The following SLC9A2 variants were observed in gnomAD, a reference collection of about 807,000 sequenced individuals.
SLC9A2 encodes the protein solute carrier family 9 member A2.
A neutral mutation model predicts 71.7 loss-of-function variants in SLC9A2; 42 were observed. The ratio of observed to expected loss-of-function variants is 0.59; its 90% CI spans 0.46 to 0.76. The LOEUF is 0.76. Among genes scored for constraint, SLC9A2 ranks in the 30% least tolerant of loss-of-function variants. The pLI is 0.00. For synonymous variants in SLC9A2, 396 were observed against 392.5 expected (o/e 1.01, Z -0.10); for missense variants, 829 against 1,017.4 (o/e 0.81, Z 2.52).
intron 3 of SLC9A2, among the ~76,000 whole-genome samples, chr2:102,679,385 AT>A (rs61336100): frequency 0.017 from 1,235 of 74,384 alleles, 12 homozygotes; most frequent in African/African-American, 0.067. Flanking sequence ...TATATATATA[AT>A]TTTTTTTTTT....
rs902523981 is a variant in SLC9A2, at chr2:102,708,443, C to G, written c.2393C>G (p.Ser798Trp). The G allele has an allele frequency of 1.2e-6, 2 of 1,613,980 alleles. No individual in the cohort carries two copies. The highest frequency in any genetic ancestry group is 1.7e-6 in the Non-Finnish European group (2 of 1,180,018). The change falls in exon 12 of 12, where the codon TCG (serine) becomes TGG (tryptophan). Residue 798 changes from serine to tryptophan, a missense_variant. Ser to Trp is a radical substitution (Grantham distance 177). Around this residue, in one of 3 missense-constraint regions of SLC9A2, gnomAD observed 223 missense variants for 197.5 expected, o/e 1.13. Transcript: ENST00000233969. ...CCACCACGGCTGGTCTGGAGGGCAT[C>G]GGAACCTGGAAGCCGGAAAGCCCGA... The part of the protein sequence containing the change: ...KPPPRLVWRA[S>W]EPGSRKARFG...
In SLC9A2 at chr2:102,619,777, C is replaced by A; in HGVS notation, c.-72C>A. 1.5e-6 allele frequency: 2 copies of A among 1,366,938 alleles called. No individual in the cohort carries two copies. The highest frequency in any genetic ancestry group is 1.9e-6 in the Non-Finnish European group (2 of 1,039,968). The allele number at this position is 1,366,938 out of a possible 1,614,324, so 84.7% of individuals were successfully genotyped here. On this transcript the variant is annotated 5_prime_UTR_variant, in exon 1 of 12. Coordinates refer to ENST00000233969, the MANE Select transcript of SLC9A2 (RefSeq NM_003048.6). The surrounding 1 kb of genome is among the most constrained non-coding windows in gnomAD (Gnocchi z 4.3). The stretch of plus-strand genomic sequence containing the variant: ...ACGGGGCAGGGCGGAGCGGGCTGAG[C>A]AGCCCGGGCGCGATGCGTTGAGCGC...
At chr2:102,623,147 T>C (rs1057050389) in intron 1 of SLC9A2, among the ~76,000 whole-genome samples, 1 of 152,182 alleles carries the variant, frequency 6.6e-6, no homozygotes, top group African/African-American at 2.4e-5. Context: ...TGCTTGGCTA[T>C]GGAAATCATC....
rs992622109 is a variant in SLC9A2, at chr2:102,704,664, C to G, written c.1966C>G (p.Arg656Gly). Reference protein sequence around the residue: ...ESIRKDSSLNREHRASTSTSR... With the variant: ...ESIRKDSSLNGEHRASTSTSR... ...CATTAGGAAGGACAGCAGCTTGAAT[C>G]GAGAACACAGGGTAACTGAGTGTGC... Residue 656 changes from arginine to glycine, a missense_variant, in exon 10 of 12, where the codon CGA becomes GGA. Arg to Gly is a moderately radical substitution (Grantham distance 125, BLOSUM62 -2). Around this residue, in one of 3 missense-constraint regions of SLC9A2, gnomAD observed 223 missense variants for 197.5 expected, o/e 1.13. Coordinates refer to ENST00000233969, the MANE Select transcript of SLC9A2 (RefSeq NM_003048.6). 6.2e-7 allele frequency: 1 copy of G among 1,611,762 alleles called. No homozygotes were observed. The highest frequency in any genetic ancestry group is 8.5e-7 in the Non-Finnish European group (1 of 1,178,456).
chr2:102,704,326 TA>T (rs778531824), intron 9 of SLC9A2, among the ~76,000 whole-genome samples: 3 of 151,702 alleles, frequency 2.0e-5, no homozygotes, highest in Admixed American at 6.6e-5. Context: ...AAAAGAAAAA[TA>T]AAAAAACACA....
At chr2:102,690,035 A>G (rs1321827589) in intron 5 of SLC9A2, among the ~76,000 whole-genome samples, 1 of 152,160 alleles carries the variant, frequency 6.6e-6, no homozygotes, top group Admixed American at 6.5e-5. Context: ...ATGGTTTTTA[A>G]CACACATAAG....
intron 1 of SLC9A2, among the ~76,000 whole-genome samples, chr2:102,639,391 G>A (rs1330181196): frequency 6.6e-6 from 1 of 152,162 alleles, no homozygotes; most frequent in Non-Finnish European, 1.5e-5. Context: ...AACAGCCCAG[G>A]CTTTGCACGT....
rs147416048 is a variant in SLC9A2, at chr2:102,644,043, C to T, written c.290-13521C>T. Among the ~76,000 whole-genome samples the T allele has an allele frequency of 1.1e-3, 164 of 152,202 alleles. 1 individual carries two copies. Among genetic ancestry groups the T allele is most frequent in the African/African-American group, 3.7e-3 (152 of 41,534 alleles). On this transcript the variant is annotated intron_variant, in intron 1 of 11. Coordinates refer to ENST00000233969, the MANE Select transcript of SLC9A2 (RefSeq NM_003048.6). ...GAGAGATGATTACAGCAAAGAATTA[C>T]TTTCTGTTGAAGATGGCCAAATAGG... is the stretch of plus-strand genomic sequence containing the variant.
intron 2 of SLC9A2, among the ~76,000 whole-genome samples, chr2:102,662,703 G>A (rs1196229858): frequency 1.3e-5 from 2 of 152,038 alleles, no homozygotes; most frequent in African/African-American, 2.4e-5. Flanking sequence ...GAATAAACAC[G>A]GTGTGTTTTA....
intron 1 of SLC9A2, among the ~76,000 whole-genome samples, chr2:102,656,579 C>A (rs1676947271): frequency 6.6e-6 from 1 of 152,200 alleles, no homozygotes; most frequent in Non-Finnish European, 1.5e-5. Context: ...AGAGTAGTTT[C>A]TTGAGGCATC....
intron 1 of SLC9A2, among the ~76,000 whole-genome samples, chr2:102,653,412 C>T (rs913167891): frequency 6.6e-6 from 1 of 152,208 alleles, no homozygotes; most frequent in Non-Finnish European, 1.5e-5. Context: ...GCCTCACTTC[C>T]TCCATGCCTC....
chr2:102,624,906 G>T (rs1037863903), intron 1 of SLC9A2, among the ~76,000 whole-genome samples: 2 of 152,180 alleles, frequency 1.3e-5, no homozygotes, highest in Non-Finnish European at 2.9e-5. Context: ...ATATCTGTCT[G>T]AATTACAGAG....
chr2:102,665,429 G>C (rs1175254509), intron 3 of SLC9A2, 79 bp downstream of exon 3: 1 of 1,391,434 alleles, frequency 7.2e-7, no homozygotes, highest in African/African-American at 1.4e-5. Context: ...TATTAAAGTT[G>C]AATAAGTTAT....
chr2:102,654,393 T>C lies in SLC9A2; in HGVS notation c.290-3171T>C, dbSNP rs539373863. Among the ~76,000 whole-genome samples the C allele has an allele frequency of 7.2e-5, 11 of 152,204 alleles. 1 individual carries two copies. Among genetic ancestry groups the C allele is most frequent in the African/African-American group, 2.2e-4 (9 of 41,530 alleles). On this transcript the variant is annotated intron_variant, in intron 1 of 11. Transcript: ENST00000233969. ...CATAGGTAAAGAGCAGCTGCACCCA[T>C]TGAATACATTTAGTCCCCACAAATT... is the stretch of plus-strand genomic sequence containing the variant.
intron 11 of SLC9A2, among the ~76,000 whole-genome samples, chr2:102,706,736 G>A (rs1308915528): frequency 3.3e-5 from 5 of 151,880 alleles, no homozygotes; most frequent in African/African-American, 9.7e-5. Flanking sequence ...GGGGCCCAAG[G>A]GCAGGTAAAC....
rs534041094 is a variant in SLC9A2 at position 102,683,276 on chromosome 2, A to G, written c.1020A>G (p.Ala340=). ...TCCCTTTCAGAATCACTGCTTGTGC[A>G]ATGACTATGAATAAGTACGTAGAAG... ...LSGIMAITAC[A]MTMNKYVEEN... The change falls in exon 4 of 12, where the codon GCA becomes GCG. Residue 340 remains alanine (A), a synonymous_variant. Transcript: ENST00000233969. 2 of 1,612,466 alleles carry G rather than the reference A, an allele frequency of 1.2e-6. No homozygotes were observed. Among genetic ancestry groups the G allele is most frequent in the African/African-American group, 2.7e-5 (2 of 74,984 alleles).
intron 5 of SLC9A2, among the ~76,000 whole-genome samples, chr2:102,685,761 G>A (rs918822951): frequency 4.6e-5 from 7 of 152,118 alleles, no homozygotes; most frequent in African/African-American, 7.2e-5. Context: ...GTTCAATGAC[G>A]GGCATGCTGC....
rs1422110308 is a variant in SLC9A2 at position 102,708,542 on chromosome 2, T to C, written c.*53T>C. 1.3e-6 allele frequency: 2 copies of C among 1,563,572 alleles called. No individual in the cohort carries two copies. The highest frequency in any genetic ancestry group is 2.2e-5 in the East Asian group (1 of 44,542). On this transcript the variant is annotated 3_prime_UTR_variant, in exon 12 of 12. Coordinates refer to ENST00000233969, the MANE Select transcript of SLC9A2 (RefSeq NM_003048.6). Reference sequence around the variant, plus strand: ...TCTGACCCAGGACAGCTGTGGTTTGTCACTCTGAAACCTGATGCAACAGTG... The same window carrying C: ...TCTGACCCAGGACAGCTGTGGTTTGCCACTCTGAAACCTGATGCAACAGTG...
intron 1 of SLC9A2, among the ~76,000 whole-genome samples, chr2:102,647,916 A>G (rs1302271252): frequency 6.6e-6 from 1 of 152,202 alleles, no homozygotes; most frequent in Non-Finnish European, 1.5e-5. Context: ...CAGAGGTACA[A>G]AGAGGAGCTG....
Sources: allele counts gnomAD v4.1 joint callset (sites outside exome capture counted in the v4.1 genomes callset), GRCh38; gene constraint gnomAD v4.1.1; regional missense constraint gnomAD v4.1.1; non-coding constraint Gnocchi (gnomAD v3.1); transcripts MANE v1.5; gene names NCBI Gene and HGNC (gene_info 2026-07-23, HGNC 2026-07-21).